Variants in SHANK2 observed in about 807,000 individuals in gnomAD.
SHANK2 encodes SH3 and multiple ankyrin repeat domains protein 2.
A neutral mutation model predicts 133.7 loss-of-function variants in SHANK2; 43 were observed. The observed-to-expected ratio is 0.32, with a 90% confidence interval of 0.25 to 0.41. The LOEUF (loss-of-function observed/expected upper bound fraction) is 0.41, where lower values mean the gene tolerates loss of function less well. SHANK2 is among the 10% of genes least tolerant of loss of function. The pLI, the probability that SHANK2 is intolerant of heterozygous loss-of-function variation, is 1.00. For missense variants in SHANK2, 1,994 were observed against 2,235.8 expected (o/e 0.89, Z 2.18); for synonymous variants, 1,017 against 952.8 (o/e 1.07, Z -1.24).
At chr11:70,926,174 A>C (rs1950425068) in intron 10 of SHANK2, among the ~76,000 whole-genome samples, 1 of 151,808 alleles carries the variant, frequency 6.6e-6, no homozygotes, top group Admixed American at 6.6e-5. Context: ...TTGGGAGGCC[A>C]AGGCTGGCAG....
At chr11:70,849,428 G>T (rs1222157021) in intron 11 of SHANK2, among the ~76,000 whole-genome samples, 16 of 152,322 alleles carry the variant, frequency 1.1e-4, no homozygotes, top group African/African-American at 3.9e-4. Context: ...GCTGAACAGG[G>T]ACATGGAACC....
At chr11:70,844,609 C>T (rs755710518) in intron 11 of SHANK2, among the ~76,000 whole-genome samples, 7 of 152,170 alleles carry the variant, frequency 4.6e-5, no homozygotes, top group South Asian at 2.1e-4. Flanking sequence ...TGGGATGTTA[C>T]GTAATATTCC....
At chr11:70,950,711 G>T (rs899596669) in intron 10 of SHANK2, among the ~76,000 whole-genome samples, 3 of 152,130 alleles carry the variant, frequency 2.0e-5, no homozygotes, top group Admixed American at 6.5e-5. Flanking sequence ...AGGTTCAAGT[G>T]ATTCTCATGC....
chr11:70,578,298 C>T (rs782464046), intron 17 of SHANK2, among the ~76,000 whole-genome samples: 8 of 152,360 alleles, frequency 5.3e-5, no homozygotes, highest in Middle Eastern at 3.4e-3. Context: ...ACAGAGACTC[C>T]TGCTCCCCCA....
At chr11:70,613,763 G>GCTTTTTT in intron 17 of SHANK2, among the ~76,000 whole-genome samples, 1 of 123,776 alleles carries the variant, frequency 8.1e-6, no homozygotes, top group Non-Finnish European at 1.6e-5. Context: ...AGGGGAACTT[G>GCTTTTTT]TTTTTTTTTT....
At chr11:70,627,851 T>C (rs1171143703) in intron 17 of SHANK2, among the ~76,000 whole-genome samples, 2 of 152,206 alleles carry the variant, frequency 1.3e-5, no homozygotes, top group Non-Finnish European at 2.9e-5. Context: ...CTCAAAAAGT[T>C]TGGGGTTTTA....
chr11:70,521,170 G>T (rs139109191), intron 17 of SHANK2, among the ~76,000 whole-genome samples: 2,706 of 152,274 alleles, frequency 0.018, 40 homozygotes, highest in Middle Eastern at 0.061. Context: ...TTATATTGGT[G>T]TCTCTTTCTC....
intron 3 of SHANK2, among the ~76,000 whole-genome samples, chr11:71,133,493 G>A (rs1952373620): frequency 6.6e-6 from 1 of 151,822 alleles, no homozygotes. Context: ...GGGATGGACG[G>A]ACGGATGGAT....
intron 17 of SHANK2, among the ~76,000 whole-genome samples, chr11:70,568,738 G>C (rs1449104940): frequency 3.3e-5 from 5 of 149,768 alleles, no homozygotes; most frequent in Admixed American, 6.7e-5. Flanking sequence ...GGCATGGTCC[G>C]TCTGGAAGAA....
rs1322969102 is a variant in SHANK2, at chr11:70,841,108, C to CA, written c.1175-20427dup. Among the ~76,000 whole-genome samples, 112 of 151,588 alleles carry CA rather than the reference C, an allele frequency of 7.4e-4. No individual in the cohort carries two copies. In the East Asian group the frequency reaches 0.01, roughly 14 times the overall value. ...TGAAACCCTGTCTCTACCAAAAATA[C>CA]AAAAAAAACAAAATTAGCCAGGCAT... On this transcript the variant is annotated intron_variant, in intron 11 of 25. Transcript: ENST00000601538.
chr11:70,693,875 T>C (rs1174362512), intron 15 of SHANK2, among the ~76,000 whole-genome samples: 1 of 152,028 alleles, frequency 6.6e-6, no homozygotes, highest in Non-Finnish European at 1.5e-5. Flanking sequence ...GATGAATGGA[T>C]AGATGGATGT....
chr11:71,197,490 C>T (rs1210365689), intron 2 of SHANK2, among the ~76,000 whole-genome samples: 1 of 152,244 alleles, frequency 6.6e-6, no homozygotes, highest in African/African-American at 2.4e-5. Flanking sequence ...CAAGCTGAGG[C>T]CGCCAACACC....
intron 11 of SHANK2, among the ~76,000 whole-genome samples, chr11:70,868,411 A>G (rs1172805355): frequency 2.0e-5 from 3 of 152,190 alleles, no homozygotes; most frequent in Non-Finnish European, 4.4e-5. Context: ...ATAATAAACA[A>G]TGACAACAGT....
At chr11:70,682,726 A>C (rs1945054468) in intron 15 of SHANK2, among the ~76,000 whole-genome samples, 1 of 152,140 alleles carries the variant, frequency 6.6e-6, no homozygotes, top group African/African-American at 2.4e-5. Flanking sequence ...GGAGGCCTGG[A>C]GCCCTTGTCC....
chr11:70,717,154 A>T (rs1400978014), intron 14 of SHANK2, among the ~76,000 whole-genome samples: 1 of 152,234 alleles, frequency 6.6e-6, no homozygotes, highest in African/African-American at 2.4e-5. Flanking sequence ...ACTCGGGAGC[A>T]GGCACGCTGC....
At chr11:70,877,216 C>T (rs565526545) in intron 11 of SHANK2, among the ~76,000 whole-genome samples, 3 of 152,352 alleles carry the variant, frequency 2.0e-5, no homozygotes, top group East Asian at 3.9e-4. Context: ...GTGCCCCGCT[C>T]GCTGGATAAC....
chr11:71,192,705 A>C (rs542649041), intron 2 of SHANK2, among the ~76,000 whole-genome samples: 126 of 152,324 alleles, frequency 8.3e-4, no homozygotes, highest in African/African-American at 2.9e-3. Context: ...GTCTTCAGTC[A>C]TTACTGGAAT....
chr11:70,625,066 C>T (rs1444182444), intron 17 of SHANK2, among the ~76,000 whole-genome samples: 1 of 152,212 alleles, frequency 6.6e-6, no homozygotes, highest in Non-Finnish European at 1.5e-5. Context: ...TCGTAGAACT[C>T]ACTAAAAGCA....
intron 1 of SHANK2, among the ~76,000 whole-genome samples, chr11:71,247,599 T>TG (rs1230640393): frequency 6.6e-6 from 1 of 151,798 alleles, no homozygotes; most frequent in Admixed American, 6.6e-5. Flanking sequence ...GCACGCCTCC[T>TG]GGGGGGTCTC....
Sources: allele counts gnomAD v4.1 joint callset (sites outside exome capture counted in the v4.1 genomes callset), GRCh38; gene constraint gnomAD v4.1.1; transcripts MANE v1.5; gene names NCBI Gene and HGNC (gene_info 2026-07-23, HGNC 2026-07-21).